Variants in ALAS2 observed in about 807,000 individuals in gnomAD.
ALAS2 encodes the protein 5-aminolevulinate synthase, erythroid-specific, mitochondrial.
A neutral mutation model predicts 33.7 loss-of-function variants in ALAS2; 3 were observed. That is an observed-to-expected ratio of 0.09 (90% CI 0.04 to 0.23). ALAS2 has a LOEUF of 0.23. Ranked by LOEUF, ALAS2 falls within the 10% of genes least tolerant of loss-of-function variation. The probability of loss-of-function intolerance (pLI) is 1.00; values close to 1 mark genes in which losing one functional copy is unlikely to be tolerated. For synonymous variants in ALAS2, 191 were observed against 177.3 expected (o/e 1.08, Z -0.61); for missense variants, 304 against 475.1 (o/e 0.64, Z 3.35).
chrX:55,021,534 G>A (rs771465915), intron 4 of ALAS2, among the ~76,000 whole-genome samples: 3 of 111,599 alleles, frequency 2.7e-5, no homozygotes, highest in South Asian at 3.8e-4. Context: ...CTCTCTTCCC[G>A]GGTTGGTGTG....
Position 55,020,480 on chromosome X carries a change from A to G in ALAS2, c.663T>C (p.Ala221=). ...ATQETLQRHG[A]GAGGTRNISG... is the part of the protein sequence containing the mutation. Reference sequence around the variant, plus strand: ...AGATGTTGCGGGTGCCACCAGCTCCAGCACCATGACGCTGCAGGGTCTCCC... The same window carrying G: ...AGATGTTGCGGGTGCCACCAGCTCCGGCACCATGACGCTGCAGGGTCTCCC... Residue 221 remains alanine (A), a synonymous_variant, in exon 6 of 11, where the codon GCT becomes GCC. Transcript: ENST00000650242. The G allele has an allele frequency of 8.5e-7, 1 of 1,180,362 alleles. No individual in the cohort carries two copies. Among genetic ancestry groups the G allele is most frequent in the East Asian group, 3.1e-5 (1 of 32,019 alleles).
intron 10 of ALAS2, among the ~76,000 whole-genome samples, chrX:55,011,025 T>G (rs1216721122): frequency 9.0e-6 from 1 of 111,310 alleles, no homozygotes; most frequent in Non-Finnish European, 1.9e-5. Context: ...GAGAGCAGCA[T>G]GAGCAAAGTC....
intron 10 of ALAS2, among the ~76,000 whole-genome samples, chrX:55,010,588 C>T (rs1345292523): frequency 2.7e-5 from 3 of 111,128 alleles, no homozygotes; most frequent in East Asian, 2.8e-4. Flanking sequence ...CCTCTGCCTG[C>T]GATGCCATTC....
In ALAS2 at chrX:55,025,951, C is replaced by T. The variant is rs1423769419; in HGVS notation, c.50G>A (p.Gly17Asp). Residue 17 changes from glycine (G) to aspartate (D), a missense_variant, in exon 2 of 11, where the codon GGC becomes GAC. Physicochemically the swap from Gly to Asp is moderately conservative, Grantham distance 94. Around this residue, in one of 3 missense-constraint regions of ALAS2, gnomAD observed 71 missense variants for 82.8 expected, o/e 0.86. Coordinates refer to ENST00000650242, the MANE Select transcript of ALAS2 (RefSeq NM_000032.5). The stretch of plus-strand genomic sequence containing the variant: ...CACCTTGCCTAGGAGGCTTGTGGGG[C>T]CCCGGGCAAGCACTGGGCAGCACTG... ...LLQCCPVLARGPTSLLGKVVK... is the reference protein window; with the variant it reads ...LLQCCPVLARDPTSLLGKVVK... The T allele has an allele frequency of 5.8e-6, 7 of 1,211,051 alleles. No homozygotes were observed. The highest frequency in any genetic ancestry group is 1.7e-5 in the African/African-American group (1 of 57,621).
chrX:55,029,071 A>T (rs1935944243), intron 1 of ALAS2, among the ~76,000 whole-genome samples: 1 of 112,317 alleles, frequency 8.9e-6, no homozygotes, highest in Admixed American at 9.4e-5. Flanking sequence ...ACAGTAAAAA[A>T]GTGTTAAATA....
intron 6 of ALAS2, 137 bp downstream of exon 6, chrX:55,020,183 A>T (rs1935776439): frequency 1.7e-6 from 1 of 605,831 alleles, no homozygotes; most frequent in Non-Finnish European, 2.7e-6. Context: ...AGTGTTGAGG[A>T]TATGCAAGGT....
intron 5 of ALAS2, 22 bp downstream of exon 5, chrX:55,021,030 T>G (rs982131855): frequency 3.3e-6 from 4 of 1,196,024 alleles, no homozygotes; most frequent in Non-Finnish European, 4.5e-6. Context: ...CCACTGCTGA[T>G]GGCTGAAAGC....
At chrX:55,015,057 CAGT>C in intron 8 of ALAS2, 42 bp from the exon 9 acceptor site, 1 of 1,184,432 alleles carries the variant, frequency 8.4e-7, no homozygotes, top group Non-Finnish European at 1.1e-6. Context: ...ATCCCATAAT[CAGT>C]CCCAGAGCAA....
In ALAS2 at chrX:55,015,490, C is replaced by G. The variant is rs1935683094; in HGVS notation, c.1168+88G>C. 7 of 1,083,535 alleles carry G rather than the reference C, an allele frequency of 6.5e-6. 1 individual carries two copies. The South Asian group carries it at 1.1e-4, about 18-fold the overall frequency. The allele number at this position is 1,083,535 out of a possible 1,213,427, so 89.3% of individuals were successfully genotyped here. ...GGCTGTGAATTCTGTCCAAACAACC[C>G]CTATAGCTTTGGGGAGGAGGCAGAA... is the stretch of plus-strand genomic sequence containing the variant. On this transcript the variant is annotated intron_variant, in intron 8 of 10. Transcript: ENST00000650242.
chrX:55,014,283 C>T (rs1935660815), intron 9 of ALAS2, among the ~76,000 whole-genome samples: 1 of 112,004 alleles, frequency 8.9e-6, no homozygotes, highest in East Asian at 2.8e-4. Context: ...GTACGTTTTA[C>T]ACCGTGACCA....
chrX:55,015,802 A>G (rs983272125), intron 7 of ALAS2, 60 bp from the exon 8 acceptor site: 6 of 1,163,248 alleles, frequency 5.2e-6, no homozygotes, highest in South Asian at 1.8e-5. Context: ...TCCATCTCCA[A>G]TGTGGAATTT....
chrX:55,025,442 C>A (rs1385918872), intron 2 of ALAS2, among the ~76,000 whole-genome samples: 4 of 111,259 alleles, frequency 3.6e-5, no homozygotes, highest in Admixed American at 9.6e-5. Flanking sequence ...TCAAGCAATT[C>A]TCTGCCTCAG....
chrX:55,024,071 T>C lies in ALAS2; in HGVS notation c.305-204A>G, dbSNP rs7058892. On this transcript the variant is annotated intron_variant, in intron 3 of 10. Coordinates refer to ENST00000650242, the MANE Select transcript of ALAS2 (RefSeq NM_000032.5). ...ACTATTACATTGTTAGGAAACCTTC[T>C]ATAAGGTGAATCATACTTCTCTCCA... Among the ~76,000 whole-genome samples, 2,334 of 112,022 alleles carry C rather than the reference T, an allele frequency of 0.021. 53 individuals are homozygous for C. Among genetic ancestry groups the C allele is most frequent in the African/African-American group, 0.066 (2,040 of 30,783 alleles).
At chrX:55,029,727 T>A (rs1434211229) in intron 1 of ALAS2, among the ~76,000 whole-genome samples, 3 of 112,124 alleles carry the variant, frequency 2.7e-5, no homozygotes, top group African/African-American at 9.7e-5. Context: ...ACCTAATGTG[T>A]GATAATGCTT....
Position 55,017,656 on chromosome X carries a change from A to G in ALAS2, c.833T>C (p.Ile278Thr). Residue 278 changes from isoleucine (I) to threonine (T), a missense_variant, in exon 7 of 11, where the codon ATT (isoleucine) becomes ACT (threonine). Ile to Thr is a moderately conservative substitution (Grantham distance 89). Around this residue, in one of 3 missense-constraint regions of ALAS2, gnomAD observed 138 missense variants for 265.3 expected, o/e 0.52. Transcript: ENST00000650242. ...TLAKILPGCE[I>T]YSDAGNHASM... ...AGCATGGTTGCCTGCGTCTGAGTAA[A>G]TCTCGCACCCTGAGGAAGCAGATGT... 8.3e-7 allele frequency: 1 copy of G among 1,211,222 alleles called. No homozygotes were observed. The highest frequency in any genetic ancestry group is 1.1e-6 in the Non-Finnish European group (1 of 895,142).
chrX:55,027,649 T>G (rs940294864), intron 1 of ALAS2: 37 of 811,410 alleles, frequency 4.6e-5, no homozygotes, highest in Non-Finnish European at 6.2e-5. Context: ...CCCTCAGCCT[T>G]ATGTTTTGAG....
At chrX:55,017,716 T>A (rs1371328653) in intron 6 of ALAS2, 51 bp from the exon 7 acceptor site, 5 of 1,165,022 alleles carry the variant, frequency 4.3e-6, no homozygotes, top group Non-Finnish European at 4.7e-6. Flanking sequence ...TACTCCCACT[T>A]CAACCTTCAG....
chrX:55,013,806 T>C (rs1000062079), intron 9 of ALAS2, among the ~76,000 whole-genome samples, 158 bp from the exon 10 acceptor site: 1 of 111,092 alleles, frequency 9.0e-6, no homozygotes, highest in Non-Finnish European at 1.9e-5. Context: ...CCAGAATTTC[T>C]ATCAAGGAGG....
At chrX:55,009,375 A>G in intron 10 of ALAS2, 32 bp from the exon 11 acceptor site, 1 of 1,173,214 alleles carries the variant, frequency 8.5e-7, no homozygotes, top group South Asian at 1.9e-5. Context: ...GAGGGAAAAA[A>G]TGGGTTAGAC....
Sources: gnomAD v4.1 joint callset for allele counts (sites outside exome capture counted in the v4.1 genomes callset) on GRCh38, gnomAD v4.1.1 for gene constraint, gnomAD v4.1.1 regional missense constraint, MANE v1.5 for transcripts, NCBI Gene and HGNC (gene_info 2026-07-23, HGNC 2026-07-21) for gene names.